TSPAN5: variants seen among roughly 807,000 people sequenced by gnomAD.
TSPAN5 encodes the protein tetraspanin-5.
A neutral mutation model predicts 37.1 loss-of-function variants in TSPAN5; 10 were observed. The observed-to-expected ratio is 0.27, with a 90% CI of 0.17 to 0.46. The LOEUF (loss-of-function observed/expected upper bound fraction) is 0.46. Among genes scored for constraint, TSPAN5 ranks in the 20% least tolerant of loss-of-function variants. The probability of loss-of-function intolerance (pLI) is 1.00; values close to 1 mark genes in which losing one functional copy is unlikely to be tolerated. For missense variants in TSPAN5, 195 were observed against 326.6 expected (o/e 0.60, Z 3.11); for synonymous variants, 110 against 118.9 (o/e 0.93, Z 0.48).
intron 3 of TSPAN5, chr4:98,482,411 A>G (rs940451257): frequency 2.8e-6 from 1 of 359,372 alleles, no homozygotes; most frequent in Admixed American, 4.5e-5. Context: ...TTGATAATTA[A>G]CCAACAAAGC....
At chr4:98,561,688 G>A (rs1432821989) in intron 1 of TSPAN5, among the ~76,000 whole-genome samples, 1 of 152,150 alleles carries the variant, frequency 6.6e-6, no homozygotes, top group Non-Finnish European at 1.5e-5. Context: ...TGAGGGACAC[G>A]GATCCCAAAG....
chr4:98,478,924 T>C (rs73832318), intron 4 of TSPAN5, 114 bp from the exon 5 acceptor site: 65,837 of 1,302,046 alleles, frequency 0.051, 5,488 homozygotes, highest in African/African-American at 0.37. Context: ...TTTTCTGTCC[T>C]AGACTTTATT....
intron 2 of TSPAN5, among the ~76,000 whole-genome samples, chr4:98,493,833 G>C (rs972968817): frequency 2.0e-5 from 3 of 152,126 alleles, no homozygotes; most frequent in African/African-American, 7.2e-5. Context: ...AACATAAAGT[G>C]CTGCTATAAA....
intron 1 of TSPAN5, among the ~76,000 whole-genome samples, chr4:98,554,426 G>A (rs1754692565): frequency 6.6e-6 from 1 of 152,172 alleles, no homozygotes. Flanking sequence ...TATGGAGAAA[G>A]CTTATTAAAA....
At chr4:98,491,848 G>A (rs1553909210) in intron 2 of TSPAN5, among the ~76,000 whole-genome samples, 11 of 152,110 alleles carry the variant, frequency 7.2e-5, no homozygotes, top group Non-Finnish European at 1.5e-5. Flanking sequence ...TGAGTAAGAA[G>A]TGCTAGTATA....
At chr4:98,576,909 G>A (rs558987309) in intron 1 of TSPAN5, among the ~76,000 whole-genome samples, 108 of 152,090 alleles carry the variant, frequency 7.1e-4, no homozygotes, top group Admixed American at 1.9e-3. Flanking sequence ...ACAGGTACCC[G>A]CCACCACATC....
chr4:98,564,852 A>C (rs545457819), intron 1 of TSPAN5, among the ~76,000 whole-genome samples: 237 of 152,302 alleles, frequency 1.6e-3, no homozygotes, highest in African/African-American at 5.5e-3. Flanking sequence ...TAAATAAAAA[A>C]GAACAAAAGC....
At chr4:98,483,796 T>G (rs1418834313) in intron 3 of TSPAN5, 2 of 152,472 alleles carry the variant, frequency 1.3e-5, no homozygotes, top group Non-Finnish European at 2.9e-5. Context: ...AAACAGTTCT[T>G]AATTATCATC....
intron 1 of TSPAN5, among the ~76,000 whole-genome samples, chr4:98,583,615 T>C (rs1755418584): frequency 6.6e-6 from 1 of 152,232 alleles, no homozygotes; most frequent in Non-Finnish European, 1.5e-5. Flanking sequence ...GAGAGAGCAC[T>C]GTGTGAAGGC....
chr4:98,553,360 C>T (rs1167711203), intron 1 of TSPAN5, among the ~76,000 whole-genome samples: 1 of 152,180 alleles, frequency 6.6e-6, no homozygotes, highest in Non-Finnish European at 1.5e-5. Context: ...AAATATCACA[C>T]AGTTTTTAAA....
chr4:98,492,690 T>C (rs1435331597), intron 2 of TSPAN5, among the ~76,000 whole-genome samples: 1 of 152,206 alleles, frequency 6.6e-6, no homozygotes, highest in African/African-American at 2.4e-5. Flanking sequence ...ATATTTCAAG[T>C]CAACGTAGTA....
intron 1 of TSPAN5, among the ~76,000 whole-genome samples, chr4:98,615,076 C>A (rs1441894577): frequency 3.3e-5 from 5 of 152,232 alleles, no homozygotes; most frequent in African/African-American, 7.2e-5. Context: ...ACCAACCCCC[C>A]AGTGCTGCCT....
chr4:98,507,762 G>A, intron 1 of TSPAN5, 34 bp from the exon 2 acceptor site: 1 of 1,494,694 alleles, frequency 6.7e-7, no homozygotes, highest in Non-Finnish European at 9.2e-7. Flanking sequence ...AAATATAAGG[G>A]AAAATGCCGC....
At chr4:98,531,554 A>T (rs1277265716) in intron 1 of TSPAN5, among the ~76,000 whole-genome samples, 5 of 152,184 alleles carry the variant, frequency 3.3e-5, no homozygotes, top group Non-Finnish European at 7.3e-5. Context: ...TTATAGAATG[A>T]TTTATAATCC....
intron 2 of TSPAN5, among the ~76,000 whole-genome samples, chr4:98,502,511 T>A (rs546286655): frequency 1.3e-5 from 2 of 152,306 alleles, no homozygotes; most frequent in Admixed American, 1.3e-4. Flanking sequence ...AGGAGTGATG[T>A]ATTATGCCTT....
intron 1 of TSPAN5, among the ~76,000 whole-genome samples, chr4:98,589,261 T>A (rs778353727): frequency 3.3e-5 from 5 of 152,186 alleles, no homozygotes; most frequent in Non-Finnish European, 5.9e-5. Flanking sequence ...GTCAGCAAAT[T>A]GGCGCAAACA....
chr4:98,590,668 T>C (rs1393981812), intron 1 of TSPAN5, among the ~76,000 whole-genome samples: 6 of 147,254 alleles, frequency 4.1e-5, no homozygotes, highest in African/African-American at 1.5e-4. Flanking sequence ...CGAGGTTGCA[T>C]CACTGCACTC....
chr4:98,632,516 G>A (rs2110265115), intron 1 of TSPAN5, among the ~76,000 whole-genome samples: 1 of 152,178 alleles, frequency 6.6e-6, no homozygotes, highest in East Asian at 1.9e-4. Context: ...AATTACATGG[G>A]GACTTCAGGG....
At chr4:98,553,170 T>G (rs925078714) in intron 1 of TSPAN5, among the ~76,000 whole-genome samples, 1 of 152,222 alleles carries the variant, frequency 6.6e-6, no homozygotes, top group South Asian at 2.1e-4. Flanking sequence ...AAAACATTGT[T>G]AGATAACACT....
Sources: gnomAD v4.1 joint callset for allele counts (sites outside exome capture counted in the v4.1 genomes callset) on GRCh38, gnomAD v4.1.1 for gene constraint, MANE v1.5 for transcripts, NCBI Gene and HGNC (gene_info 2026-07-23, HGNC 2026-07-21) for gene names.